The following ASB7 variants were observed in gnomAD, a reference collection of about 807,000 sequenced individuals.
The protein encoded by ASB7 is ankyrin repeat and SOCS box containing 7, also known as ankyrin repeat and SOCS box protein 7.
ASB7 carries 4 observed loss-of-function variants against 32.5 expected under a neutral mutation model. That is an observed-to-expected ratio of 0.12 (90% CI 0.06 to 0.28). The LOEUF is 0.28. Ranked by LOEUF, ASB7 falls within the 10% of genes least tolerant of loss-of-function variation. The pLI, the probability that ASB7 is intolerant of heterozygous loss-of-function variation, is 1.00. For missense variants in ASB7, 181 were observed against 407.1 expected, an observed-to-expected ratio of 0.44 and a Z score of 4.78; for synonymous variants, 172 against 155.6, an observed-to-expected ratio of 1.11 and a Z score of -0.78.
chr15:100,627,532 CTA>C (rs1361395462), intron 4 of ASB7, among the ~76,000 whole-genome samples: 1 of 152,162 alleles, frequency 6.6e-6, no homozygotes, highest in Non-Finnish European at 1.5e-5. Context: ...TTAACAGAGA[CTA>C]TGCAGGTCAT....
chr15:100,611,247 C>T (rs1379345291), intron 3 of ASB7, among the ~76,000 whole-genome samples: 1 of 151,940 alleles, frequency 6.6e-6, no homozygotes, highest in African/African-American at 2.4e-5. Context: ...GAGACAGGGT[C>T]TCACTGTGTT....
At chr15:100,630,154 A>G in intron 5 of ASB7, 112 bp downstream of exon 5, 4 of 1,380,406 alleles carry the variant, frequency 2.9e-6, no homozygotes, top group Non-Finnish European at 3.8e-6. Flanking sequence ...TCCTATAACC[A>G]CTGCTTGGTA....
chr15:100,618,124 T>C (rs576302046), intron 4 of ASB7, among the ~76,000 whole-genome samples: 34 of 152,216 alleles, frequency 2.2e-4, no homozygotes, highest in South Asian at 6.2e-4. Flanking sequence ...TTTTATTTAT[T>C]TATTTATTTT....
intron 4 of ASB7, among the ~76,000 whole-genome samples, chr15:100,623,097 A>G (rs1366565377): frequency 6.6e-6 from 1 of 152,204 alleles, no homozygotes; most frequent in Non-Finnish European, 1.5e-5. Flanking sequence ...ACAACAAATA[A>G]TCCCATTAAA....
Position 100,639,519 on chromosome 15 carries a change from G to A in ASB7, c.818-8804G>A, listed in dbSNP as rs537282520. On this transcript the variant is annotated intron_variant, in intron 5 of 5. Transcript: ENST00000332783. Reference sequence around the variant, plus strand: ...GCAATAAGTATATGAGCAGCTGTTCGCACAAAATGCCTCTAAAACAAGTGC... The same window carrying A: ...GCAATAAGTATATGAGCAGCTGTTCACACAAAATGCCTCTAAAACAAGTGC... Among the ~76,000 whole-genome samples, 42 of 152,134 alleles carry A rather than the reference G, an allele frequency of 2.8e-4. 1 individual carries two copies. The South Asian group carries it at 8.1e-3, about 29-fold the overall frequency.
chr15:100,635,671 C>A (rs1475152025), intron 5 of ASB7, among the ~76,000 whole-genome samples: 1 of 152,206 alleles, frequency 6.6e-6, no homozygotes, highest in East Asian at 1.9e-4. Flanking sequence ...CCCATTGGTG[C>A]AGTTGTAAGG....
rs899710756 is a variant in ASB7, at chr15:100,651,058, T to A, written c.*2596T>A. On this transcript the variant is annotated 3_prime_UTR_variant, in exon 6 of 6. Transcript: ENST00000332783. Reference sequence around the variant, plus strand: ...CAAATTTGTCAGATTCTTTTATGTTTCCTTTGAAATTTATTATTTAAGCCT... The same window carrying A: ...CAAATTTGTCAGATTCTTTTATGTTACCTTTGAAATTTATTATTTAAGCCT... 1 of 152,242 alleles carries A rather than the reference T, an allele frequency of 6.6e-6. No individual in the cohort carries two copies. The highest frequency in any genetic ancestry group is 1.5e-5 in the Non-Finnish European group (1 of 68,046). The allele number at this position is 152,242 out of a possible 1,614,324, so 9.4% of individuals were successfully genotyped here.
At chr15:100,631,021 A>G (rs2039879166) in intron 5 of ASB7, among the ~76,000 whole-genome samples, 2 of 152,078 alleles carry the variant, frequency 1.3e-5, no homozygotes, top group Non-Finnish European at 2.9e-5. Context: ...AACCCACTCT[A>G]CCCCTTGGAG....
At chr15:100,631,399 T>A (rs2039882620) in intron 5 of ASB7, among the ~76,000 whole-genome samples, 1 of 152,182 alleles carries the variant, frequency 6.6e-6, no homozygotes, top group African/African-American at 2.4e-5. Flanking sequence ...TTGGGAGAGG[T>A]ATCTGGGGCT....
chr15:100,626,572 T>C (rs537651834), intron 4 of ASB7, among the ~76,000 whole-genome samples: 4 of 152,270 alleles, frequency 2.6e-5, no homozygotes, highest in African/African-American at 7.2e-5. Flanking sequence ...AGCAAGTCTC[T>C]CGTGGGTATT....
Position 100,623,461 on chromosome 15 carries a change from G to T in ASB7, c.212-5976G>T, listed in dbSNP as rs541959688. 1.6e-3 allele frequency among the ~76,000 whole-genome samples: 239 copies of T among 152,286 alleles called. 2 individuals carry two copies. The highest frequency in any genetic ancestry group is 9.3e-4 in the Non-Finnish European group (63 of 68,016). On this transcript the variant is annotated intron_variant, in intron 4 of 5. Transcript: ENST00000332783. ...GACATTTCTCGAAAGAAGACATGCA[G>T]ATGTCCAGCAGGCATGTGAAAAATT...
At chr15:100,618,848 G>A (rs1256398648) in intron 4 of ASB7, among the ~76,000 whole-genome samples, 1 of 152,176 alleles carries the variant, frequency 6.6e-6, no homozygotes, top group South Asian at 2.1e-4. Context: ...TGGAGTTATA[G>A]CCAACATTTA....
intron 4 of ASB7, among the ~76,000 whole-genome samples, chr15:100,613,823 A>C (rs2039717596): frequency 6.6e-6 from 1 of 152,240 alleles, no homozygotes; most frequent in African/African-American, 2.4e-5. Flanking sequence ...AATGAAGCAA[A>C]TCTTCAGTTA....
chr15:100,619,491 A>G (rs1040920660), intron 4 of ASB7, among the ~76,000 whole-genome samples: 1 of 152,252 alleles, frequency 6.6e-6, no homozygotes, highest in Non-Finnish European at 1.5e-5. Context: ...AATCAAGAAT[A>G]ACTGAGCTTT....
At chr15:100,639,616 G>A (rs1003938618) in intron 5 of ASB7, among the ~76,000 whole-genome samples, 7 of 152,160 alleles carry the variant, frequency 4.6e-5, no homozygotes, top group Admixed American at 6.5e-5. Context: ...GCAATGTTGC[G>A]TAGTACAACT....
intron 2 of ASB7, among the ~76,000 whole-genome samples, chr15:100,603,913 C>T (rs1440187365): frequency 6.6e-6 from 1 of 152,184 alleles, no homozygotes; most frequent in Non-Finnish European, 1.5e-5. Context: ...ATGAAGACAA[C>T]ATTATTACCC....
intron 5 of ASB7, among the ~76,000 whole-genome samples, chr15:100,642,207 A>T (rs1439091239): frequency 1.3e-5 from 2 of 152,186 alleles, no homozygotes; most frequent in African/African-American, 4.8e-5. Context: ...GGAAGGGCTT[A>T]TGCAGAGATA....
chr15:100,613,756 A>T (rs1019346421), intron 4 of ASB7, among the ~76,000 whole-genome samples: 16 of 152,168 alleles, frequency 1.1e-4, no homozygotes, highest in Non-Finnish European at 2.2e-4. Flanking sequence ...GCCTTACTTT[A>T]AAAAAAGTTA....
intron 5 of ASB7, among the ~76,000 whole-genome samples, chr15:100,640,493 G>T (rs1029021939): frequency 3.9e-5 from 6 of 152,102 alleles, no homozygotes; most frequent in African/African-American, 1.4e-4. Context: ...GAGGTATTGG[G>T]CGGCCATCCC....
Sources: allele counts gnomAD v4.1 joint callset (sites outside exome capture counted in the v4.1 genomes callset), GRCh38; gene constraint gnomAD v4.1.1; transcripts MANE v1.5; gene names NCBI Gene and HGNC (gene_info 2026-07-23, HGNC 2026-07-21).